REV1: variants seen among roughly 807,000 people sequenced by gnomAD.
REV1 encodes translesion synthesis protein REV1.
REV1 carries 42 observed loss-of-function variants against 137.4 expected under a neutral mutation model. The ratio of observed to expected loss-of-function variants is 0.31; its 90% CI spans 0.24 to 0.40. REV1 has a LOEUF of 0.40. REV1 is among the 10% of genes least tolerant of loss of function. REV1 has a pLI of 1.00. For synonymous variants in REV1, 524 were observed against 519.2 expected, an observed-to-expected ratio of 1.01 and a Z score of -0.12; for missense variants, 1,282 against 1,490.1, an observed-to-expected ratio of 0.86 and a Z score of 2.30.
chr2:99,406,605 A>G (rs918784143), intron 15 of REV1, 115 bp from the exon 16 acceptor site: 12 of 806,236 alleles, frequency 1.5e-5, no homozygotes, highest in Non-Finnish European at 2.2e-5. Context: ...TGTTTCTAGA[A>G]TAAAGGTAAA....
chr2:99,469,952 T>C (rs1186608710), intron 1 of REV1, among the ~76,000 whole-genome samples: 1 of 151,940 alleles, frequency 6.6e-6, no homozygotes, highest in Non-Finnish European at 1.5e-5. Flanking sequence ...AAACCCCGTC[T>C]CTACTAAAAA....
chr2:99,420,310 A>G (rs1678489269), intron 11 of REV1, among the ~76,000 whole-genome samples: 1 of 152,118 alleles, frequency 6.6e-6, no homozygotes, highest in Non-Finnish European at 1.5e-5. Flanking sequence ...GCTAATTCCT[A>G]AAGACAGTAA....
At chr2:99,429,092 C>T (rs1353439638) in intron 9 of REV1, among the ~76,000 whole-genome samples, 1 of 150,412 alleles carries the variant, frequency 6.6e-6, no homozygotes, top group African/African-American at 2.4e-5. Flanking sequence ...TAAGGGCTTG[C>T]TGTGTGATAT....
intron 13 of REV1, among the ~76,000 whole-genome samples, chr2:99,411,210 C>T: frequency 6.6e-6 from 1 of 151,934 alleles, no homozygotes. Context: ...ATCGCTTGAA[C>T]CCAGGAGACG....
In REV1 at chr2:99,404,508, G is replaced by A; in HGVS notation, c.2981C>T (p.Pro994Leu). Reference sequence around the variant, plus strand: ...GTCACTGTTCGATTCTTGAGGTTCTGGTATTTGCAACAAGACTGTCCCAAC... The same window carrying A: ...GTCACTGTTCGATTCTTGAGGTTCTAGTATTTGCAACAAGACTGTCCCAAC... The part of the protein sequence containing the change: ...QPVGTVLLQI[P>L]EPQESNSDAG... Residue 994 changes from proline (P) to leucine (L), a missense_variant, in exon 18 of 23, where the codon CCA becomes CTA. Physicochemically the swap from Pro to Leu is moderately conservative, Grantham distance 98 (BLOSUM62 -3). Coordinates refer to ENST00000258428, the MANE Select transcript of REV1 (RefSeq NM_016316.4). 1 of 1,614,120 alleles carries A rather than the reference G, an allele frequency of 6.2e-7. No homozygotes were observed. Among genetic ancestry groups the A allele is most frequent in the East Asian group, 2.2e-5 (1 of 44,880 alleles).
intron 5 of REV1, among the ~76,000 whole-genome samples, chr2:99,439,610 T>A (rs1471854704): frequency 6.6e-6 from 1 of 152,092 alleles, no homozygotes; most frequent in Admixed American, 6.5e-5. Flanking sequence ...CTTCAGATAG[T>A]CCCAAAGAAG....
At chr2:99,413,712 A>G (rs1320074281) in intron 12 of REV1, among the ~76,000 whole-genome samples, 3 of 152,192 alleles carry the variant, frequency 2.0e-5, no homozygotes, top group Non-Finnish European at 4.4e-5. Flanking sequence ...GTTTTCTTCA[A>G]TTTGCCCTAA....
chr2:99,401,540 A>G (rs1398574061), intron 22 of REV1, among the ~76,000 whole-genome samples, 188 bp from the exon 23 acceptor site: 4 of 151,888 alleles, frequency 2.6e-5, no homozygotes, highest in Admixed American at 6.6e-5. Flanking sequence ...TGAGGTCAGG[A>G]GTTTGAGACC....
rs768667488 is a variant in REV1, at chr2:99,401,234, G to A, written c.*7C>T. On this transcript the variant is annotated 3_prime_UTR_variant, in exon 23 of 23. Coordinates refer to ENST00000258428, the MANE Select transcript of REV1 (RefSeq NM_016316.4). Reference sequence around the variant, plus strand: ...CTATCAGAGAGCATCAGGCTCTCTGGTAATATTTATGTAACTTTTAATGTG... The same window carrying A: ...CTATCAGAGAGCATCAGGCTCTCTGATAATATTTATGTAACTTTTAATGTG... 1 of 1,545,694 alleles carries A rather than the reference G, an allele frequency of 6.5e-7. No homozygotes were observed. The highest frequency in any genetic ancestry group is 1.1e-5 in the South Asian group (1 of 89,684).
At position 99,456,453 on chromosome 2, in the gene REV1, T is replaced by G. The variant is rs28369955; in HGVS notation, c.181+6043A>C. On this transcript the variant is annotated intron_variant, in intron 3 of 22. Coordinates refer to ENST00000258428, the MANE Select transcript of REV1 (RefSeq NM_016316.4). ...ACTGGAGGGCAAAGTACACCTGTTT[T>G]AGATAGGTGAAGTCAGGGAAGGTCT... Among the ~76,000 whole-genome samples the G allele has an allele frequency of 6.9e-3, 1,054 of 152,286 alleles. 6 individuals are homozygous for G. The highest frequency in any genetic ancestry group is 0.011 in the Admixed American group (164 of 15,302).
chr2:99,427,506 T>G (rs911495941), intron 9 of REV1, among the ~76,000 whole-genome samples: 2 of 152,174 alleles, frequency 1.3e-5, no homozygotes, highest in Admixed American at 6.5e-5. Flanking sequence ...TATCCTTTGC[T>G]GGCCCCATTA....
At chr2:99,484,856 T>C (rs188001280) in intron 1 of REV1, among the ~76,000 whole-genome samples, 3 of 152,336 alleles carry the variant, frequency 2.0e-5, no homozygotes, top group African/African-American at 7.2e-5. Context: ...GGAACTGGCC[T>C]GAAATCTTGC....
rs764557108 is a variant in REV1, at chr2:99,403,042, T to C, written c.3231A>G (p.Lys1077=). ...AVKEKKRNKK[K]KTIGSPKRIQ... ...TCCTTTTTGGTGAACCAATGGTTTT[T>C]TTCTTCTTGTTTCTTTTCTTTTCTT... The change falls in exon 20 of 23, where the codon AAA becomes AAG. Residue 1077 remains lysine, a synonymous_variant. Coordinates refer to ENST00000258428, the MANE Select transcript of REV1 (RefSeq NM_016316.4). 8 of 1,613,978 alleles carry C rather than the reference T, an allele frequency of 5.0e-6. No homozygotes were observed. In the East Asian group the frequency reaches 1.3e-4, roughly 27 times the overall value.
At chr2:99,424,379 A>G in intron 9 of REV1, 99 bp from the exon 10 acceptor site, 1 of 1,246,774 alleles carries the variant, frequency 8.0e-7, no homozygotes, top group Non-Finnish European at 1.1e-6. Context: ...CTAATTTATA[A>G]TTTCCACTTA....
At chr2:99,475,367 T>TA (rs1685857263) in intron 1 of REV1, among the ~76,000 whole-genome samples, 1 of 152,132 alleles carries the variant, frequency 6.6e-6, no homozygotes, top group South Asian at 2.1e-4. Context: ...AAAACACTTT[T>TA]AAATAAGGAA....
intron 3 of REV1, among the ~76,000 whole-genome samples, chr2:99,455,479 A>G (rs1683433402): frequency 6.6e-6 from 1 of 152,212 alleles, no homozygotes; most frequent in Non-Finnish European, 1.5e-5. Flanking sequence ...AAACTGAAGA[A>G]AAGTTTCAAA....
At chr2:99,419,830 A>G (rs1317651246) in intron 11 of REV1, among the ~76,000 whole-genome samples, 1 of 152,216 alleles carries the variant, frequency 6.6e-6, no homozygotes, top group Non-Finnish European at 1.5e-5. Context: ...CTCCGTGAAT[A>G]ATAAAATCTC....
intron 5 of REV1, among the ~76,000 whole-genome samples, chr2:99,440,543 T>C (rs1408660175): frequency 6.6e-6 from 1 of 152,082 alleles, no homozygotes; most frequent in Non-Finnish European, 1.5e-5. Context: ...CAGGCAACTG[T>C]GAGTAGATGC....
chr2:99,485,149 G>A (rs1196224016), intron 1 of REV1, among the ~76,000 whole-genome samples: 1 of 152,122 alleles, frequency 6.6e-6, no homozygotes, highest in East Asian at 1.9e-4. Context: ...CTACAAAGAA[G>A]CATTTTACTA....
Sources: allele counts gnomAD v4.1 joint callset (sites outside exome capture counted in the v4.1 genomes callset), GRCh38; gene constraint gnomAD v4.1.1; transcripts MANE v1.5; gene names NCBI Gene and HGNC (gene_info 2026-07-23, HGNC 2026-07-21).